TDRD1: variants seen among roughly 807,000 people sequenced by gnomAD.
TDRD1 encodes the protein tudor domain-containing protein 1.
Under a neutral mutation model 140.6 loss-of-function variants are expected in TDRD1, and 37 were observed. That is an observed-to-expected ratio of 0.26 (90% CI 0.20 to 0.35). The LOEUF is 0.35. TDRD1 is among the 10% of genes least tolerant of loss of function. The probability of loss-of-function intolerance (pLI) is 1.00; values close to 1 mark genes in which losing one functional copy is unlikely to be tolerated. For synonymous variants in TDRD1, 506 were observed against 475.7 expected, an observed-to-expected ratio of 1.06 and a Z score of -0.83; for missense variants, 1,243 against 1,393.0, an observed-to-expected ratio of 0.89 and a Z score of 1.71.
chr10:114,200,847 C>CTT (rs33964094), intron 4 of TDRD1, among the ~76,000 whole-genome samples: 851 of 80,388 alleles, frequency 0.011, no homozygotes, highest in East Asian at 0.014. Context: ...TTGCTGCTGC[C>CTT]TTTTTTTTTT....
At chr10:114,183,689 A>G (rs1049314381) in intron 1 of TDRD1, among the ~76,000 whole-genome samples, 5 of 149,506 alleles carry the variant, frequency 3.3e-5, no homozygotes, top group South Asian at 2.1e-4. Flanking sequence ...TATTAAAGCC[A>G]TCACAGTTAA....
At position 114,228,094 on chromosome 10, in the gene TDRD1, T is replaced by G. The variant is rs774123763; in HGVS notation, c.3507T>G (p.Asn1169Lys). The change falls in exon 25 of 26, where the codon AAT (asparagine) becomes AAG (lysine). Residue 1169 changes from asparagine (N) to lysine (K), a missense_variant. Asn to Lys is a moderately conservative substitution (Grantham distance 94). This residue lies in a region of TDRD1 where 601 missense variants were observed against 734.7 expected (regional missense o/e 0.82). Coordinates refer to ENST00000251864, the Ensembl canonical transcript of TDRD1. Reference sequence around the variant, plus strand: ...TCTTAAACAATTCAACCAATCAAAATAAATTTATTGAAATGAAAAAACTGT... The same window carrying G: ...TCTTAAACAATTCAACCAATCAAAAGAAATTTATTGAAATGAAAAAACTGT... 13 of 1,603,830 alleles carry G rather than the reference T, an allele frequency of 8.1e-6. No homozygotes were observed. In the Admixed American group the frequency reaches 1.5e-4, roughly 19 times the overall value.
exon 13 of TDRD1, chr10:114,210,941 G>A: frequency 1.2e-6 from 2 of 1,614,104 alleles, no homozygotes; most frequent in Non-Finnish European, 1.7e-6. Context: ...CCAGCCATTG[G>A]TGATATATGT....
intron 11 of TDRD1, among the ~76,000 whole-genome samples, chr10:114,207,316 C>T (rs2035189288): frequency 6.6e-6 from 1 of 152,198 alleles, no homozygotes; most frequent in Non-Finnish European, 1.5e-5. Flanking sequence ...CTTCTTACCT[C>T]CCATCCTTTG....
intron 11 of TDRD1, 43 bp downstream of exon 11, chr10:114,206,373 T>C: frequency 3.3e-6 from 5 of 1,512,924 alleles, no homozygotes; most frequent in Middle Eastern, 1.7e-4. Context: ...ACTTCAGTTA[T>C]TGAAGACCAT....
intron 18 of TDRD1, 102 bp downstream of exon 18, chr10:114,218,686 T>A (rs1418446066): frequency 6.0e-6 from 5 of 838,454 alleles, no homozygotes; most frequent in Non-Finnish European, 8.8e-6. Flanking sequence ...AGTTAGAGGA[T>A]CCTGCTTCAT....
At chr10:114,187,699 C>T (rs933992321) in intron 1 of TDRD1, 127 bp from the exon 2 acceptor site, 11 of 846,306 alleles carry the variant, frequency 1.3e-5, no homozygotes, top group Non-Finnish European at 1.8e-5. Context: ...ATGGTTATAT[C>T]TGCTTTGGAA....
intron 21 of TDRD1, among the ~76,000 whole-genome samples, chr10:114,224,266 A>G (rs1296375509): frequency 6.6e-6 from 1 of 152,182 alleles, no homozygotes; most frequent in African/African-American, 2.4e-5. Context: ...TGTTTTAGCT[A>G]TTGGTGTTTC....
intron 4 of TDRD1, among the ~76,000 whole-genome samples, chr10:114,200,253 A>G (rs1014379084): frequency 1.3e-5 from 2 of 152,230 alleles, no homozygotes; most frequent in Admixed American, 6.5e-5. Flanking sequence ...CTCGTGATCA[A>G]TGATCTTGAG....
upstream of TDRD1, among the ~76,000 whole-genome samples, chr10:114,176,147 C>T (rs1313833703): frequency 6.6e-6 from 1 of 151,894 alleles, no homozygotes; most frequent in Admixed American, 6.6e-5. This position sits in a 1 kb window ranked among gnomAD's most constrained non-coding sequence, Gnocchi z 4.2. Flanking sequence ...GGGCTGGCAC[C>T]ACTTGAACCT....
At chr10:114,230,935 C>T (rs188461947) in intron 25 of TDRD1, among the ~76,000 whole-genome samples, 4 of 152,096 alleles carry the variant, frequency 2.6e-5, no homozygotes, top group East Asian at 1.9e-4. Flanking sequence ...GGTGAGGTGG[C>T]GTGCACCTGT....
intron 21 of TDRD1, among the ~76,000 whole-genome samples, chr10:114,223,867 A>C (rs556501089): frequency 5.5e-4 from 84 of 152,306 alleles, no homozygotes; most frequent in African/African-American, 1.9e-3. Context: ...AGGCATCTTC[A>C]GCCTTCAGTC....
At chr10:114,216,415 T>G (rs1310022943) in intron 16 of TDRD1, among the ~76,000 whole-genome samples, 1 of 152,224 alleles carries the variant, frequency 6.6e-6, no homozygotes, top group Non-Finnish European at 1.5e-5. Flanking sequence ...GTTTGAGCCA[T>G]TCTGATGAGC....
intron 3 of TDRD1, 69 bp downstream of exon 3, chr10:114,191,088 A>C: frequency 6.7e-7 from 1 of 1,496,950 alleles, no homozygotes. Context: ...TTATTTAATA[A>C]AGAAGTGTTC....
At chr10:114,213,167 G>T (rs982503750) in intron 14 of TDRD1, among the ~76,000 whole-genome samples, 179 bp from the exon 15 acceptor site, 17 of 152,008 alleles carry the variant, frequency 1.1e-4, no homozygotes, top group East Asian at 3.9e-4. Context: ...ATGAACCATT[G>T]CCCACCAGCA....
chr10:114,230,385 A>G (rs951568951), intron 25 of TDRD1, among the ~76,000 whole-genome samples: 1 of 152,230 alleles, frequency 6.6e-6, no homozygotes, highest in Non-Finnish European at 1.5e-5. Flanking sequence ...ATACAGTGCA[A>G]TACCTTGTGT....
intron 10 of TDRD1, 63 bp from the exon 11 acceptor site, chr10:114,206,181 G>T: frequency 8.1e-7 from 1 of 1,238,826 alleles, no homozygotes. Flanking sequence ...TCTTCTTTAC[G>T]CTTTTCCCAT....
chr10:114,196,641 A>C (rs2132892500), intron 3 of TDRD1, among the ~76,000 whole-genome samples: 1 of 152,038 alleles, frequency 6.6e-6, no homozygotes, highest in East Asian at 1.9e-4. Flanking sequence ...AGTTTACCTT[A>C]ATAGAAGGAA....
exon 26 of TDRD1, chr10:114,231,731 AT>A: frequency 2.0e-6 from 1 of 508,070 alleles, no homozygotes. Flanking sequence ...TACCAAATCA[AT>A]GAGAATACTG....
Sources: allele counts gnomAD v4.1 joint callset (sites outside exome capture counted in the v4.1 genomes callset), GRCh38; gene constraint gnomAD v4.1.1; regional missense constraint gnomAD v4.1.1; non-coding constraint Gnocchi (gnomAD v3.1); transcripts MANE v1.5; gene names NCBI Gene and HGNC (gene_info 2026-07-23, HGNC 2026-07-21).